CALCR: variants seen among roughly 807,000 people sequenced by gnomAD.
The protein encoded by CALCR is calcitonin receptor.
In CALCR, 47 loss-of-function variants were observed where a neutral mutation model predicts 59.5. That is an observed-to-expected ratio of 0.79 (90% CI 0.63 to 1.01). CALCR has a LOEUF of 1.01. CALCR is among the 50% of genes least tolerant of loss of function. The pLI, the probability that CALCR is intolerant of heterozygous loss-of-function variation, is 0.00. For missense variants in CALCR, 566 were observed against 597.1 expected, an observed-to-expected ratio of 0.95 and a Z score of 0.54; for synonymous variants, 213 against 211.3, an observed-to-expected ratio of 1.01 and a Z score of -0.07.
intron 8 of CALCR, among the ~76,000 whole-genome samples, chr7:93,456,789 C>T (rs2115786909): frequency 6.6e-6 from 1 of 152,174 alleles, no homozygotes; most frequent in Non-Finnish European, 1.5e-5. Context: ...AGCTTCTTTC[C>T]TTTCTTTCAA....
At chr7:93,564,262 G>T (rs1365721207) in intron 2 of CALCR, among the ~76,000 whole-genome samples, 1 of 152,118 alleles carries the variant, frequency 6.6e-6, no homozygotes, top group Non-Finnish European at 1.5e-5. Flanking sequence ...GGGGGGGACA[G>T]AGTGCTGGTG....
intron 2 of CALCR, among the ~76,000 whole-genome samples, chr7:93,558,664 TATAAATTTG>T (rs1315460071): frequency 6.6e-6 from 1 of 152,056 alleles, no homozygotes; most frequent in Non-Finnish European, 1.5e-5. Flanking sequence ...TTCTTTCTCA[TATAAATTTG>T]GAATATTGGA....
At chr7:93,505,871 A>T (rs1801414552) in intron 2 of CALCR, among the ~76,000 whole-genome samples, 1 of 152,140 alleles carries the variant, frequency 6.6e-6, no homozygotes, top group African/African-American at 2.4e-5. Flanking sequence ...CGTGTACAGG[A>T]AGGAGCAGGT....
intron 2 of CALCR, among the ~76,000 whole-genome samples, chr7:93,496,219 C>T (rs973820394): frequency 5.3e-5 from 8 of 151,392 alleles, no homozygotes; most frequent in African/African-American, 1.9e-4. Flanking sequence ...TTTCCATGGC[C>T]AAATAAGTTT....
intron 2 of CALCR, among the ~76,000 whole-genome samples, chr7:93,553,203 T>C (rs2116235712): frequency 6.6e-6 from 1 of 152,320 alleles, no homozygotes; most frequent in Non-Finnish European, 1.5e-5. Context: ...ATGTTGATTG[T>C]CATTCTGTGG....
intron 2 of CALCR, among the ~76,000 whole-genome samples, chr7:93,520,038 G>A (rs577104534): frequency 9.9e-5 from 15 of 152,122 alleles, no homozygotes; most frequent in Admixed American, 2.6e-4. Flanking sequence ...TTTTCAAAAT[G>A]TGTTCATAAA....
At chr7:93,458,818 C>G (rs1800260656) in intron 8 of CALCR, among the ~76,000 whole-genome samples, 1 of 152,130 alleles carries the variant, frequency 6.6e-6, no homozygotes, top group Non-Finnish European at 1.5e-5. Context: ...ATTGTCTCCA[C>G]ATTTGCATTA....
At chr7:93,489,280 T>G (rs185137832) in intron 2 of CALCR, among the ~76,000 whole-genome samples, 11 of 151,774 alleles carry the variant, frequency 7.2e-5, no homozygotes, top group African/African-American at 2.4e-4. Flanking sequence ...AAGAGGGAAA[T>G]TTATAGCACT....
intron 11 of CALCR, among the ~76,000 whole-genome samples, chr7:93,437,808 C>T (rs1057036296): frequency 3.3e-5 from 5 of 152,058 alleles, no homozygotes; most frequent in African/African-American, 9.7e-5. Context: ...TTATAAAAAT[C>T]TTAAAATATG....
At chr7:93,455,333 A>G (rs900105568) in intron 8 of CALCR, among the ~76,000 whole-genome samples, 3 of 151,752 alleles carry the variant, frequency 2.0e-5, no homozygotes, top group Non-Finnish European at 4.4e-5. Flanking sequence ...ATTAGTTGCA[A>G]TTTCAATAAA....
At chr7:93,435,247 C>G (rs1356065302) in intron 12 of CALCR, among the ~76,000 whole-genome samples, 2 of 152,120 alleles carry the variant, frequency 1.3e-5, no homozygotes, top group Non-Finnish European at 2.9e-5. Flanking sequence ...TAACATTCAC[C>G]TGACAAATGG....
chr7:93,495,270 G>T (rs1801175153), intron 2 of CALCR, among the ~76,000 whole-genome samples: 1 of 151,326 alleles, frequency 6.6e-6, no homozygotes, highest in Non-Finnish European at 1.5e-5. Flanking sequence ...TCAAAACAAA[G>T]TTTAACTTTG....
At chr7:93,508,170 TAA>T (rs1361188243) in intron 2 of CALCR, among the ~76,000 whole-genome samples, 1 of 152,090 alleles carries the variant, frequency 6.6e-6, no homozygotes, top group African/African-American at 2.4e-5. Context: ...CAAAGAAAAA[TAA>T]GTGTGCACTT....
Position 93,456,133 on chromosome 7 carries a change from T to C in CALCR, c.648+4688A>G, listed in dbSNP as rs78482719. ...GTTTATTTCCTCTGGGTGAAGTGTA[T>C]GCTTCACAATCTACAGACATGAATT... On this transcript the variant is annotated intron_variant, in intron 8 of 13. Coordinates refer to ENST00000426151, the MANE Select transcript of CALCR (RefSeq NM_001742.4). Among the ~76,000 whole-genome samples, 291 of 152,266 alleles carry C rather than the reference T, an allele frequency of 1.9e-3. 1 individual carries two copies. Among genetic ancestry groups the C allele is most frequent in the Middle Eastern group, 6.8e-3 (2 of 294 alleles).
At chr7:93,496,560 T>A (rs1801208029) in intron 2 of CALCR, among the ~76,000 whole-genome samples, 1 of 151,512 alleles carries the variant, frequency 6.6e-6, no homozygotes, top group African/African-American at 2.4e-5. Context: ...GCCTTCAACA[T>A]TCTCTAGCCT....
At chr7:93,486,810 A>T in intron 3 of CALCR, 121 bp downstream of exon 3, 1 of 694,974 alleles carries the variant, frequency 1.4e-6, no homozygotes, top group Non-Finnish European at 2.5e-6. Context: ...TGAGGAACTT[A>T]GTTTCGGCTT....
At chr7:93,450,045 G>T (rs1800079272) in intron 8 of CALCR, among the ~76,000 whole-genome samples, 1 of 151,998 alleles carries the variant, frequency 6.6e-6, no homozygotes, top group Non-Finnish European at 1.5e-5. Context: ...AATATTCCAT[G>T]GCCATTTGCA....
At chr7:93,560,279 T>G (rs979219880) in intron 2 of CALCR, among the ~76,000 whole-genome samples, 27 of 152,088 alleles carry the variant, frequency 1.8e-4, no homozygotes, top group African/African-American at 6.5e-4. Context: ...TTTTCTAATA[T>G]TCCATTGACA....
Position 93,436,103 on chromosome 7 carries a change from G to T in CALCR, c.998C>A (p.Ala333Glu). Residue 333 changes from alanine to glutamate, a missense_variant, in exon 12 of 14, where the codon GCG becomes GAG. Physicochemically the swap from Ala to Glu is moderately radical, Grantham distance 107. Transcript: ENST00000426151. ...AGCCTTCAGGTACATGTGGGATTCC[G>T]CCTCATGGGTTTCCCTCATTTTGGT... ...LVTKMRETHE[A>E]ESHMYLKAVK... 6.2e-7 allele frequency: 1 copy of T among 1,614,078 alleles called. No individual in the cohort carries two copies. The highest frequency in any genetic ancestry group is 8.5e-7 in the Non-Finnish European group (1 of 1,179,948).
Sources: gnomAD v4.1 joint callset for allele counts (sites outside exome capture counted in the v4.1 genomes callset) on GRCh38, gnomAD v4.1.1 for gene constraint, MANE v1.5 for transcripts, NCBI Gene and HGNC (gene_info 2026-07-23, HGNC 2026-07-21) for gene names.